PRKAR2B: variants seen among roughly 807,000 people sequenced by gnomAD.
PRKAR2B encodes cAMP-dependent protein kinase type II-beta regulatory subunit.
PRKAR2B carries 14 observed loss-of-function variants against 49.9 expected under a neutral mutation model. That is an observed-to-expected ratio of 0.28 (90% confidence interval 0.19 to 0.44). The LOEUF is 0.44. Ranked by LOEUF, PRKAR2B falls within the 20% of genes least tolerant of loss-of-function variation. The pLI, the probability that PRKAR2B is intolerant of heterozygous loss-of-function variation, is 1.00. For missense variants in PRKAR2B, 393 were observed against 537.9 expected, an observed-to-expected ratio of 0.73 and a Z score of 2.67; for synonymous variants, 196 against 197.7, an observed-to-expected ratio of 0.99 and a Z score of 0.07.
At chr7:107,134,240 G>C (rs1336304988) in intron 4 of PRKAR2B, among the ~76,000 whole-genome samples, 2 of 152,078 alleles carry the variant, frequency 1.3e-5, no homozygotes, top group African/African-American at 2.4e-5. Context: ...TGTTGGCCAG[G>C]CTGGTCTGGA....
chr7:107,076,880 A>G (rs549102268), intron 2 of PRKAR2B, among the ~76,000 whole-genome samples: 15 of 152,342 alleles, frequency 9.8e-5, no homozygotes, highest in African/African-American at 3.6e-4. Context: ...AACAGAAATG[A>G]TTATTCCCCA....
intron 2 of PRKAR2B, among the ~76,000 whole-genome samples, chr7:107,080,363 G>A (rs1254810880): frequency 6.6e-6 from 1 of 152,158 alleles, no homozygotes; most frequent in Admixed American, 6.5e-5. Flanking sequence ...AGAATGTGAG[G>A]GTGTGGGGAA....
At chr7:107,089,032 G>A (rs1035966082) in intron 2 of PRKAR2B, among the ~76,000 whole-genome samples, 3 of 151,842 alleles carry the variant, frequency 2.0e-5, no homozygotes, top group Middle Eastern at 3.6e-3. Flanking sequence ...ACCTGGGCAC[G>A]GTGGCCTGTG....
At chr7:107,154,789 A>C (rs1796050491) in intron 8 of PRKAR2B, among the ~76,000 whole-genome samples, 1 of 152,236 alleles carries the variant, frequency 6.6e-6, no homozygotes, top group Non-Finnish European at 1.5e-5. Context: ...GCATCATTGG[A>C]GATCAAGGCA....
At chr7:107,117,228 T>A (rs1247332475) in intron 2 of PRKAR2B, among the ~76,000 whole-genome samples, 2 of 151,936 alleles carry the variant, frequency 1.3e-5, no homozygotes, top group Non-Finnish European at 2.9e-5. Context: ...TTGAAAAAGG[T>A]AATTTTTTTT....
At chr7:107,121,055 A>G (rs1159314659) in intron 2 of PRKAR2B, among the ~76,000 whole-genome samples, 1 of 151,344 alleles carries the variant, frequency 6.6e-6, no homozygotes, top group African/African-American at 2.4e-5. Flanking sequence ...TTATTTATTT[A>G]AATTGACAAA....
In PRKAR2B at chr7:107,140,838, TA is replaced by T; in HGVS notation, c.481-4del. Reference sequence around the variant, plus strand: ...CATAAAGATTATATCCCATCTTTTTTAAAAATAGGAGCAGATGTCTCAAGTA... The same window carrying T: ...CATAAAGATTATATCCCATCTTTTTTAAAATAGGAGCAGATGTCTCAAGTA... On this transcript the variant is annotated splice_region_variant and splice_polypyrimidine_tract_variant and intron_variant, in intron 4 of 10. Transcript: ENST00000265717. The T allele has an allele frequency of 1.3e-6, 2 of 1,594,070 alleles. No individual in the cohort carries two copies. The highest frequency in any genetic ancestry group is 1.7e-6 in the Non-Finnish European group (2 of 1,168,134).
chr7:107,140,957 A>C lies in PRKAR2B; in HGVS notation c.587+4A>C. The C allele has an allele frequency of 6.3e-7, 1 of 1,599,762 alleles. No homozygotes were observed. The highest frequency in any genetic ancestry group is 8.5e-7 in the Non-Finnish European group (1 of 1,169,674). On this transcript the variant is annotated splice_donor_region_variant and intron_variant, in intron 5 of 10. Coordinates refer to ENST00000265717, the MANE Select transcript of PRKAR2B (RefSeq NM_002736.3). ...ACAACTTTTATGTAATTGATAGGTA[A>C]GTTTTGCCCAACCTTACTATTGAAA...
chr7:107,156,727 A>G (rs1354012110), intron 8 of PRKAR2B, among the ~76,000 whole-genome samples: 1 of 151,316 alleles, frequency 6.6e-6, no homozygotes, highest in Non-Finnish European at 1.5e-5. Flanking sequence ...AATGGTGTGA[A>G]CCCGGGAGGT....
chr7:107,097,721 T>G (rs1794872046), intron 2 of PRKAR2B, among the ~76,000 whole-genome samples: 1 of 152,210 alleles, frequency 6.6e-6, no homozygotes, highest in Admixed American at 6.5e-5. Flanking sequence ...ACAAAATCTC[T>G]CAGCATTTGC....
chr7:107,157,284 A>C lies in PRKAR2B; in HGVS notation c.1083A>C (p.Arg361=). The C allele has an allele frequency of 6.2e-7, 1 of 1,614,188 alleles. No homozygotes were observed. Among genetic ancestry groups the C allele is most frequent in the South Asian group, 1.1e-5 (1 of 91,082 alleles). Residue 361 remains arginine (R), a synonymous_variant, in exon 10 of 11, where the codon CGA becomes CGC. Transcript: ENST00000265717. ...GELALVTNKP[R]AASAHAIGTV... ...TTGCCCTGGTAACTAACAAACCTCG[A>C]GCAGCTTCTGCCCACGCCATTGGGA...
intron 1 of PRKAR2B, among the ~76,000 whole-genome samples, chr7:107,047,576 A>G (rs1343610307): frequency 6.6e-6 from 1 of 152,134 alleles, no homozygotes; most frequent in East Asian, 1.9e-4. Context: ...GGGAAAAAAC[A>G]GGAGTGATCC....
intron 3 of PRKAR2B, among the ~76,000 whole-genome samples, chr7:107,123,883 G>C (rs1195676225): frequency 6.6e-6 from 1 of 152,150 alleles, no homozygotes; most frequent in Non-Finnish European, 1.5e-5. Flanking sequence ...ATTAGGTTGA[G>C]TATTCTCTCC....
chr7:107,101,085 C>T (rs1794953457), intron 2 of PRKAR2B, among the ~76,000 whole-genome samples: 1 of 148,950 alleles, frequency 6.7e-6, no homozygotes, highest in African/African-American at 2.5e-5. Context: ...TTAGATTATA[C>T]ATTGTAGCAG....
At chr7:107,140,490 A>G (rs1795772461) in intron 4 of PRKAR2B, among the ~76,000 whole-genome samples, 3 of 152,342 alleles carry the variant, frequency 2.0e-5, no homozygotes, top group Middle Eastern at 3.4e-3. Context: ...GGGTATCTTT[A>G]AAAGAAATTT....
chr7:107,076,270 G>A (rs1461980662), intron 2 of PRKAR2B, among the ~76,000 whole-genome samples: 2 of 152,028 alleles, frequency 1.3e-5, no homozygotes, highest in Admixed American at 6.6e-5. Flanking sequence ...ACATCGATAC[G>A]ATACTATTAT....
intron 1 of PRKAR2B, among the ~76,000 whole-genome samples, chr7:107,061,411 A>G (rs1358202481): frequency 6.6e-6 from 1 of 151,912 alleles, no homozygotes; most frequent in African/African-American, 2.4e-5. Flanking sequence ...ATATTCTTCA[A>G]TAATGTTTTA....
At chr7:107,101,378 A>G (rs910439319) in intron 2 of PRKAR2B, among the ~76,000 whole-genome samples, 1 of 152,072 alleles carries the variant, frequency 6.6e-6, no homozygotes, top group East Asian at 1.9e-4. Context: ...TTTCAAGTAT[A>G]CTAGCTTTTA....
Position 107,044,992 on chromosome 7 carries a change from C to G in PRKAR2B, c.85C>G (p.Leu29Val). 6.4e-7 allele frequency: 1 copy of G among 1,560,548 alleles called. No homozygotes were observed. The highest frequency in any genetic ancestry group is 8.7e-7 in the Non-Finnish European group (1 of 1,155,242). Reference protein sequence around the residue: ...EVLRHQPADLLEFALQHFTRL... With the variant: ...EVLRHQPADLVEFALQHFTRL... ...GCTGAGGCACCAGCCCGCGGACCTG[C>G]TGGAGTTCGCGCTGCAGCACTTCAC... Residue 29 changes from leucine (L) to valine (V), a missense_variant, in exon 1 of 11, where the codon CTG becomes GTG. By Grantham distance (32) the Leu-to-Val change is conservative. Transcript: ENST00000265717.
Sources: allele counts gnomAD v4.1 joint callset (sites outside exome capture counted in the v4.1 genomes callset), GRCh38; gene constraint gnomAD v4.1.1; transcripts MANE v1.5; gene names NCBI Gene and HGNC (gene_info 2026-07-23, HGNC 2026-07-21).